The following ADGRV1 variants were observed in gnomAD, a reference collection of about 807,000 sequenced individuals.
ADGRV1 encodes adhesion G protein-coupled receptor V1, also known as G-protein coupled receptor 98.
ADGRV1 carries 359 observed loss-of-function variants against 596.2 expected under a neutral mutation model. The ratio of observed to expected loss-of-function variants is 0.60; its 90% CI spans 0.55 to 0.66. The LOEUF is 0.66. Ranked by LOEUF, ADGRV1 falls within the 30% of genes least tolerant of loss-of-function variation. The probability of loss-of-function intolerance (pLI) is 0.00; values close to 1 mark genes in which losing one functional copy is unlikely to be tolerated. For synonymous variants in ADGRV1, 2,681 were observed against 2,679.2 expected, an observed-to-expected ratio of 1.00 and a Z score of -0.02; for missense variants, 7,274 against 7,575.6, an observed-to-expected ratio of 0.96 and a Z score of 1.48.
intron 2 of ADGRV1, among the ~76,000 whole-genome samples, chr5:90,616,593 A>G (rs1281545708): frequency 6.6e-6 from 1 of 152,064 alleles, no homozygotes; most frequent in Non-Finnish European, 1.5e-5. Flanking sequence ...TTGATATATA[A>G]TAGTTGTACG....
intron 43 of ADGRV1, 86 bp downstream of exon 43, chr5:90,716,815 G>C: frequency 1.0e-6 from 1 of 979,054 alleles, no homozygotes; most frequent in South Asian, 1.7e-5. Flanking sequence ...TCAAGTCCTA[G>C]AATGAAAAAA....
chr5:90,790,223 A>G (rs937863466), intron 69 of ADGRV1, among the ~76,000 whole-genome samples: 1 of 152,144 alleles, frequency 6.6e-6, no homozygotes, highest in Non-Finnish European at 1.5e-5. Context: ...CCATTTAGCA[A>G]CTGTTTTTTA....
chr5:90,744,208 C>T (rs6891640), intron 50 of ADGRV1, among the ~76,000 whole-genome samples: 5,213 of 151,872 alleles, frequency 0.034, 316 homozygotes, highest in African/African-American at 0.12. Flanking sequence ...TCTCGAACCC[C>T]TGGGCTCAAG....
chr5:90,790,363 C>T (rs933197053), intron 69 of ADGRV1, among the ~76,000 whole-genome samples: 2 of 152,204 alleles, frequency 1.3e-5, no homozygotes, highest in Non-Finnish European at 2.9e-5. Flanking sequence ...TTTCTCTATA[C>T]ACTGACCTCT....
intron 55 of ADGRV1, 42 bp downstream of exon 55, chr5:90,755,227 A>G (rs753163616): frequency 1.5e-6 from 2 of 1,327,782 alleles, no homozygotes; most frequent in Non-Finnish European, 2.1e-6. Flanking sequence ...AATAGAGGAA[A>G]ATTCTCTTAA....
At chr5:90,746,949 G>A (rs1211023942) in intron 52 of ADGRV1, among the ~76,000 whole-genome samples, 1 of 152,166 alleles carries the variant, frequency 6.6e-6, no homozygotes, top group Admixed American at 6.5e-5. Context: ...TCTAGAGAGG[G>A]CAAGGGGAGA....
Position 90,694,719 on chromosome 5 carries a change from A to G in ADGRV1, c.7945+18A>G, listed in dbSNP as rs754070864. The G allele has an allele frequency of 5.2e-6, 8 of 1,536,352 alleles. No individual in the cohort carries two copies. Among genetic ancestry groups the G allele is most frequent in the Non-Finnish European group, 7.0e-6 (8 of 1,144,446 alleles). ...TGCTGAAGGTGAGCAATGGTTCTAA[A>G]TGAATTTCCGTTGCCCCAGTAAAGT... On this transcript the variant is annotated intron_variant, in intron 33 of 89. Coordinates refer to ENST00000405460, the MANE Select transcript of ADGRV1 (RefSeq NM_032119.4).
chr5:90,914,565 CA>C (rs2150706589), intron 83 of ADGRV1, among the ~76,000 whole-genome samples: 1 of 152,228 alleles, frequency 6.6e-6, no homozygotes, highest in South Asian at 2.1e-4. Context: ...ACCTTTACAG[CA>C]AATGTACTAT....
rs1757952671 is a variant in ADGRV1, at chr5:90,773,962, G to A, written c.12286-224G>A. 2.0e-5 allele frequency among the ~76,000 whole-genome samples: 3 copies of A among 152,106 alleles called. No individual in the cohort carries two copies. In the South Asian group the frequency reaches 6.2e-4, roughly 32 times the overall value. Reference sequence around the variant, plus strand: ...GTTAACATTTTTCAGTAAATTTAGGGGTTGTATTCTTTTCCCATTTTCCCC... The same window carrying A: ...GTTAACATTTTTCAGTAAATTTAGGAGTTGTATTCTTTTCCCATTTTCCCC... On this transcript the variant is annotated intron_variant, in intron 59 of 89. Coordinates refer to ENST00000405460, the MANE Select transcript of ADGRV1 (RefSeq NM_032119.4).
At chr5:90,904,393 T>A (rs1284114583) in intron 83 of ADGRV1, among the ~76,000 whole-genome samples, 2 of 152,062 alleles carry the variant, frequency 1.3e-5, no homozygotes, top group Non-Finnish European at 2.9e-5. Flanking sequence ...TGTCTGAGGG[T>A]TTCCTTTTCT....
rs1027561397 is a variant in ADGRV1 at position 90,791,305 on chromosome 5, G to A, written c.14476G>A (p.Gly4826Ser). 1 of 1,591,038 alleles carries A rather than the reference G, an allele frequency of 6.3e-7. No homozygotes were observed. The highest frequency in any genetic ancestry group is 1.3e-5 in the African/African-American group (1 of 74,558). ...AGAGAGGCAGCTGGTGGTCAAAGAT[G>A]GTGCCACATATAAAGTGGACGTGGT... ...NAERQLVVKD[G>S]ATYKVDVVPI... is the part of the protein sequence containing the mutation. The change falls in exon 70 of 90, where the codon GGT becomes AGT. Residue 4826 changes from glycine to serine, a missense_variant. Transcript: ENST00000405460.
intron 83 of ADGRV1, among the ~76,000 whole-genome samples, chr5:90,934,842 A>C (rs1003828301): frequency 2.6e-5 from 4 of 152,180 alleles, no homozygotes; most frequent in Non-Finnish European, 5.9e-5. Context: ...CCTCTAGCTC[A>C]CTGTGTGCTC....
intron 11 of ADGRV1, among the ~76,000 whole-genome samples, chr5:90,638,853 T>G (rs572867505): frequency 4.6e-5 from 7 of 152,290 alleles, no homozygotes; most frequent in African/African-American, 1.7e-4. Context: ...GTAGATGCTT[T>G]GTCTAAACAC....
At chr5:91,108,461 C>G (rs544779149) in intron 87 of ADGRV1, among the ~76,000 whole-genome samples, 1 of 58,698 alleles carries the variant, frequency 1.7e-5, no homozygotes, top group East Asian at 3.8e-4. Flanking sequence ...CATAGGTGCT[C>G]TAAAACTATG....
rs1394518162 is a variant in ADGRV1, at chr5:91,164,381, T to G, written c.*481T>G. 1 of 229,580 alleles carries G rather than the reference T, an allele frequency of 4.4e-6. No individual in the cohort carries two copies. 14.2% of individuals were successfully genotyped at this position (229,580 alleles called of 1,614,324 possible). A position where few individuals can be genotyped will look rare whatever the true frequency, so the allele number is the denominator to read the frequency against. On this transcript the variant is annotated 3_prime_UTR_variant, in exon 90 of 90. Transcript: ENST00000405460. ...ACTAGAAGACTTTAATTCTGAAAACTGTAAAATGGTCTGTCTGTTGATGAT... is the reference window on the plus strand; with the variant it reads ...ACTAGAAGACTTTAATTCTGAAAACGGTAAAATGGTCTGTCTGTTGATGAT...
rs957188308 is a variant in ADGRV1, at chr5:90,651,200, T to C, written c.3290-404T>C. On this transcript the variant is annotated intron_variant, in intron 17 of 89. Transcript: ENST00000405460. ...TATGTTATTGGGTAGTCCTTTATTA[T>C]TTGTATGAAATAAAAGAATCCACCT... is the stretch of plus-strand genomic sequence containing the variant. 6.6e-5 allele frequency among the ~76,000 whole-genome samples: 10 copies of C among 152,322 alleles called. No homozygotes were observed. The East Asian group carries it at 1.9e-3, about 29-fold the overall frequency.
intron 16 of ADGRV1, among the ~76,000 whole-genome samples, chr5:90,646,668 T>C (rs1767813865): frequency 6.6e-6 from 1 of 152,218 alleles, no homozygotes; most frequent in African/African-American, 2.4e-5. Flanking sequence ...AACTCTTTCT[T>C]GAATCCTTGT....
At chr5:90,622,402 C>T (rs1426540958) in intron 4 of ADGRV1, among the ~76,000 whole-genome samples, 195 bp from the exon 5 acceptor site, 1 of 152,156 alleles carries the variant, frequency 6.6e-6, no homozygotes. Context: ...TTTTATGTTC[C>T]CTTTACACTA....
At chr5:90,705,060 G>T (rs1457712759) in intron 36 of ADGRV1, among the ~76,000 whole-genome samples, 1 of 152,012 alleles carries the variant, frequency 6.6e-6, no homozygotes, top group East Asian at 1.9e-4. Flanking sequence ...CGCCTGTCTC[G>T]CCCTCCCAAA....
Sources: allele counts gnomAD v4.1 joint callset (sites outside exome capture counted in the v4.1 genomes callset), GRCh38; gene constraint gnomAD v4.1.1; transcripts MANE v1.5; gene names NCBI Gene and HGNC (gene_info 2026-07-23, HGNC 2026-07-21).